The following PHF20 variants were observed in gnomAD, a reference collection of about 807,000 sequenced individuals.
PHF20 encodes the protein glioma-expressed antigen 2.
Under a neutral mutation model 113.5 loss-of-function variants are expected in PHF20, and 23 were observed. That is an observed-to-expected ratio of 0.20 (90% CI 0.15 to 0.29). The LOEUF (loss-of-function observed/expected upper bound fraction) is 0.29, where lower values mean the gene tolerates loss of function less well. Among genes scored for constraint, PHF20 ranks in the 10% least tolerant of loss-of-function variants. PHF20 has a pLI of 1.00. For missense variants in PHF20, 943 were observed against 1,219.6 expected (o/e 0.77, Z 3.38); for synonymous variants, 434 against 457.3 (o/e 0.95, Z 0.65).
chr20:35,847,227 C>T (rs2042640298), intron 3 of PHF20, 123 bp from the exon 4 acceptor site: 1 of 616,310 alleles, frequency 1.6e-6, no homozygotes, highest in Non-Finnish European at 2.8e-6. Context: ...TCCATCTCAA[C>T]AGCTACTTTC....
intron 4 of PHF20, among the ~76,000 whole-genome samples, chr20:35,854,304 T>C (rs950994216): frequency 6.6e-6 from 1 of 152,180 alleles, no homozygotes. Flanking sequence ...GAATCTTTGT[T>C]TCATCTTAAA....
chr20:35,862,257 A>G (rs1230305627), intron 5 of PHF20, among the ~76,000 whole-genome samples: 1 of 152,162 alleles, frequency 6.6e-6, no homozygotes, highest in Non-Finnish European at 1.5e-5. Context: ...TAATCTTTAT[A>G]GTTTTCCTGT....
chr20:35,898,821 G>A (rs1432025867), intron 9 of PHF20, among the ~76,000 whole-genome samples: 3 of 152,064 alleles, frequency 2.0e-5, no homozygotes, highest in Non-Finnish European at 2.9e-5. Flanking sequence ...ATATTGGCCA[G>A]GCTGGTCTCG....
At chr20:35,794,597 T>C (rs1015710271) in intron 1 of PHF20, among the ~76,000 whole-genome samples, 2 of 152,186 alleles carry the variant, frequency 1.3e-5, no homozygotes, top group Middle Eastern at 3.2e-3. Context: ...ACCATTAGAT[T>C]ATCCCAAAGC....
chr20:35,923,508 T>A (rs2055561303), intron 13 of PHF20, among the ~76,000 whole-genome samples: 1 of 152,210 alleles, frequency 6.6e-6, no homozygotes, highest in African/African-American at 2.4e-5. Context: ...TTGGTTATTT[T>A]AAAATTCATA....
chr20:35,868,612 ACAAGCAAG>A (rs61053948), intron 6 of PHF20, among the ~76,000 whole-genome samples: 2 of 151,336 alleles, frequency 1.3e-5, no homozygotes, highest in South Asian at 4.2e-4. Context: ...TCTCAAAAAA[ACAAGCAAG>A]CAAGCAAGCA....
intron 1 of PHF20, among the ~76,000 whole-genome samples, chr20:35,787,248 C>T (rs981445379): frequency 2.0e-5 from 3 of 151,816 alleles, no homozygotes; most frequent in Non-Finnish European, 4.4e-5. Context: ...GATGTGATCT[C>T]GGCTCACTGC....
chr20:35,800,761 C>T (rs997186981), intron 1 of PHF20, among the ~76,000 whole-genome samples: 4 of 152,150 alleles, frequency 2.6e-5, no homozygotes, highest in African/African-American at 9.7e-5. Flanking sequence ...AAGAGTATGA[C>T]TCTGTCTCAA....
rs189828847 is a variant in PHF20, at chr20:35,909,349, T to C, written c.1562-3900T>C. Among the ~76,000 whole-genome samples the C allele has an allele frequency of 3.9e-5, 6 of 152,080 alleles. No homozygotes were observed. In the East Asian group the frequency reaches 9.8e-4, roughly 25 times the overall value. Reference sequence around the variant, plus strand: ...AGGGGGTGTTATCTGTCTTTGTTCATTGCAATATCCCTCCTCCCTAGAATG... The same window carrying C: ...AGGGGGTGTTATCTGTCTTTGTTCACTGCAATATCCCTCCTCCCTAGAATG... On this transcript the variant is annotated intron_variant, in intron 10 of 17. Transcript: ENST00000374012.
At chr20:35,844,900 C>T (rs1035663784) in intron 3 of PHF20, among the ~76,000 whole-genome samples, 2 of 151,970 alleles carry the variant, frequency 1.3e-5, no homozygotes, top group African/African-American at 2.4e-5. Context: ...AAAAATCACC[C>T]ATTTTAAACT....
intron 4 of PHF20, chr20:35,849,495 T>C (rs1391172156): frequency 4.2e-6 from 2 of 470,606 alleles, no homozygotes; most frequent in Admixed American, 4.7e-5. Flanking sequence ...TAGGCACCTG[T>C]CTCTATAAGG....
At chr20:35,804,223 C>T (rs1418472365) in intron 2 of PHF20, among the ~76,000 whole-genome samples, 2 of 141,114 alleles carry the variant, frequency 1.4e-5, no homozygotes, top group Admixed American at 1.5e-4. Flanking sequence ...TGCCAAGCTA[C>T]TGTATGTTTT....
chr20:35,847,008 T>G (rs569097580), intron 3 of PHF20, among the ~76,000 whole-genome samples: 54 of 152,262 alleles, frequency 3.5e-4, no homozygotes, highest in African/African-American at 1.3e-3. Flanking sequence ...CAACTTGCTT[T>G]CTTGGGAATG....
chr20:35,880,328 A>G (rs1346894784), intron 9 of PHF20, among the ~76,000 whole-genome samples: 2 of 152,128 alleles, frequency 1.3e-5, no homozygotes, highest in Non-Finnish European at 2.9e-5. Context: ...ACTGTCAGGT[A>G]TGTGTTTTGA....
chr20:35,879,298 GTATT>G (rs2054584678), intron 9 of PHF20, among the ~76,000 whole-genome samples: 1 of 152,242 alleles, frequency 6.6e-6, no homozygotes, highest in South Asian at 2.1e-4. Context: ...CATAATGGTA[GTATT>G]TATTAAAGAA....
At chr20:35,923,956 A>G (rs1324180627) in intron 13 of PHF20, among the ~76,000 whole-genome samples, 4 of 151,958 alleles carry the variant, frequency 2.6e-5, no homozygotes, top group Admixed American at 6.6e-5. Context: ...GAATCTTGCT[A>G]TGTTTTTCAG....
At chr20:35,776,357 C>T (rs941017920) in intron 1 of PHF20, among the ~76,000 whole-genome samples, 5 of 152,186 alleles carry the variant, frequency 3.3e-5, no homozygotes, top group South Asian at 2.1e-4. Context: ...TCCCCGACCT[C>T]GAATGGAAGC....
chr20:35,825,966 C>T (rs1356898656), intron 2 of PHF20, among the ~76,000 whole-genome samples: 1 of 152,126 alleles, frequency 6.6e-6, no homozygotes, highest in East Asian at 1.9e-4. Flanking sequence ...ATTATGGGCA[C>T]TCCGGAAGCT....
chr20:35,874,585 G>A (rs1419026883), intron 9 of PHF20, among the ~76,000 whole-genome samples: 3 of 152,032 alleles, frequency 2.0e-5, no homozygotes, highest in Non-Finnish European at 4.4e-5. Flanking sequence ...CTGGGCTCAA[G>A]TGATCCTCCT....
Sources: allele counts gnomAD v4.1 joint callset (sites outside exome capture counted in the v4.1 genomes callset), GRCh38; gene constraint gnomAD v4.1.1; transcripts MANE v1.5; gene names NCBI Gene and HGNC (gene_info 2026-07-23, HGNC 2026-07-21).